Variants in HTRA1 observed in about 807,000 individuals in gnomAD.
The protein encoded by HTRA1 is HtrA serine peptidase 1.
HTRA1 carries 26 observed loss-of-function variants against 49.7 expected under a neutral mutation model. The observed-to-expected ratio is 0.52, with a 90% CI of 0.38 to 0.73. HTRA1 has a LOEUF of 0.73. HTRA1 is among the 30% of genes least tolerant of loss of function. HTRA1 has a pLI of 0.00. For missense variants in HTRA1, 561 were observed against 667.2 expected (o/e 0.84, Z 1.75); for synonymous variants, 291 against 286.9 (o/e 1.01, Z -0.14).
Position 122,514,436 on chromosome 10 carries a change from G to C in HTRA1, c.*77G>C. On this transcript the variant is annotated 3_prime_UTR_variant, in exon 9 of 9. Coordinates refer to ENST00000368984, the MANE Select transcript of HTRA1 (RefSeq NM_002775.5). ...GACGGATGAGGACTCTGGGCTGCTG[G>C]AATAGGACACTCAAGACTTTTGACT... 2 of 1,432,680 alleles carry C rather than the reference G, an allele frequency of 1.4e-6. No individual in the cohort carries two copies. Among genetic ancestry groups the C allele is most frequent in the Non-Finnish European group, 2.0e-6 (2 of 1,016,904 alleles). 88.7% of individuals were successfully genotyped at this position (1,432,680 alleles called of 1,614,324 possible). A position where few individuals can be genotyped will look rare whatever the true frequency, so the allele number is the denominator to read the frequency against.
At position 122,461,741 on chromosome 10, in the gene HTRA1, C is replaced by G. The variant is rs1180928381; in HGVS notation, c.89C>G (p.Ser30Trp). ...GCGCAGCTGTCCCGGGCCGGCCGCT[C>G]GGCGCCTTTGGCCGCCGGGTGCCCA... ...ASAQLSRAGR[S>W]APLAAGCPDR... Residue 30 changes from serine (S) to tryptophan (W), a missense_variant, in exon 1 of 9, where the codon TCG (serine) becomes TGG (tryptophan). Coordinates refer to ENST00000368984, the MANE Select transcript of HTRA1 (RefSeq NM_002775.5). The G allele has an allele frequency of 8.7e-7, 1 of 1,151,794 alleles. No homozygotes were observed. Among genetic ancestry groups the G allele is most frequent in the Admixed American group, 4.1e-5 (1 of 24,378 alleles). 71.3% of individuals were successfully genotyped at this position (1,151,794 alleles called of 1,614,324 possible). A position where few individuals can be genotyped will look rare whatever the true frequency, so the allele number is the denominator to read the frequency against.
chr10:122,489,582 G>A lies in HTRA1; in HGVS notation c.733G>A (p.Val245Met). The A allele has an allele frequency of 3.1e-6, 5 of 1,614,154 alleles. No homozygotes were observed. Among genetic ancestry groups the A allele is most frequent in the Non-Finnish European group, 4.2e-6 (5 of 1,180,018 alleles). The stretch of plus-strand genomic sequence containing the variant: ...CACTTACGAAGCCAAAATCAAGGAT[G>A]TGGATGAGAAAGCAGACATCGCACT... The part of the protein sequence containing the change: ...GATYEAKIKD[V>M]DEKADIALIK... The change falls in exon 3 of 9, where the codon GTG (valine) becomes ATG (methionine). Residue 245 changes from valine (V) to methionine (M), a missense_variant. Val to Met is a conservative substitution (Grantham distance 21, BLOSUM62 1). Coordinates refer to ENST00000368984, the MANE Select transcript of HTRA1 (RefSeq NM_002775.5).
chr10:122,514,586 G>T lies in HTRA1; in HGVS notation c.*227G>T. Reference sequence around the variant, plus strand: ...CTCTGCCCTTCTGTATCCTATGTATGCAGTGTGCTTTTTCTTGCCAGCTTG... The same window carrying T: ...CTCTGCCCTTCTGTATCCTATGTATTCAGTGTGCTTTTTCTTGCCAGCTTG... On this transcript the variant is annotated 3_prime_UTR_variant, in exon 9 of 9. Transcript: ENST00000368984. 1.8e-6 allele frequency: 1 copy of T among 551,974 alleles called. No homozygotes were observed. Among genetic ancestry groups the T allele is most frequent in the Non-Finnish European group, 3.3e-6 (1 of 306,164 alleles). 34.2% of individuals were successfully genotyped at this position (551,974 alleles called of 1,614,324 possible).
intron 1 of HTRA1, among the ~76,000 whole-genome samples, chr10:122,476,705 G>C (rs544004166): frequency 2.3e-5 from 3 of 132,206 alleles, no homozygotes; most frequent in African/African-American, 5.2e-5. Flanking sequence ...AATGCAGGTG[G>C]GGGGGCCTTC....
rs2097502928 is a variant in HTRA1 at position 122,506,087 on chromosome 10, C to T, written c.778-604C>T. 1.8e-4 allele frequency among the ~76,000 whole-genome samples: 1 copy of T among 5,592 alleles called. No homozygotes were observed. The highest frequency in any genetic ancestry group is 6.0e-3 in the South Asian group (1 of 166). The allele number at this position is 5,592 out of a possible 152,430, so 3.7% of individuals were successfully genotyped here. ...GTTTCAGGAGAGGAGAGACAGCCTACCTATTCGGTCTTGCTGTCCCCATGC... is the reference window on the plus strand; with the variant it reads ...GTTTCAGGAGAGGAGAGACAGCCTATCTATTCGGTCTTGCTGTCCCCATGC... On this transcript the variant is annotated intron_variant, in intron 3 of 8. Transcript: ENST00000368984. The surrounding 1 kb of genome is among the most constrained non-coding windows in gnomAD (Gnocchi z 5.2).
intron 1 of HTRA1, among the ~76,000 whole-genome samples, chr10:122,479,858 G>A (rs1024050777): frequency 6.6e-6 from 1 of 152,140 alleles, no homozygotes; most frequent in African/African-American, 2.4e-5. Flanking sequence ...GTTAGGGGGA[G>A]ACACTGAAGA....
intron 3 of HTRA1, among the ~76,000 whole-genome samples, chr10:122,500,766 G>C (rs1170378275): frequency 6.6e-6 from 1 of 152,192 alleles, no homozygotes; most frequent in Non-Finnish European, 1.5e-5. Context: ...TGCCCTGGGG[G>C]AGTTCCAGCA....
intron 1 of HTRA1, among the ~76,000 whole-genome samples, chr10:122,475,512 C>T (rs577580358): frequency 6.8e-4 from 103 of 152,342 alleles, no homozygotes; most frequent in Admixed American, 1.2e-3. Context: ...CAAATTTTAG[C>T]CTTTTTAAAC....
chr10:122,513,538 G>T (rs904323793), intron 8 of HTRA1, among the ~76,000 whole-genome samples: 1 of 144,344 alleles, frequency 6.9e-6, no homozygotes, highest in East Asian at 2.1e-4. Flanking sequence ...GCACATGCAT[G>T]TAATCCCAGC....
intron 1 of HTRA1, among the ~76,000 whole-genome samples, chr10:122,479,815 A>G (rs1216175319): frequency 6.6e-6 from 1 of 152,038 alleles, no homozygotes; most frequent in Admixed American, 6.6e-5. Flanking sequence ...GGGATCCTGC[A>G]GGAAGTTTAT....
In HTRA1 at chr10:122,472,369, C is replaced by CTATTATTAT. The variant is rs56115456; in HGVS notation, c.472+10280_472+10288dup. On this transcript the variant is annotated intron_variant, in intron 1 of 8. Coordinates refer to ENST00000368984, the MANE Select transcript of HTRA1 (RefSeq NM_002775.5). The stretch of plus-strand genomic sequence containing the variant: ...CCCCAGAAATATCATTTCTTTATTA[C>CTATTATTAT]TATTATTATTATTATTATTATTATT... 4.7e-3 allele frequency among the ~76,000 whole-genome samples: 671 copies of CTATTATTAT among 141,812 alleles called. 2 individuals are homozygous for CTATTATTAT. The highest frequency in any genetic ancestry group is 9.2e-3 in the Admixed American group (128 of 13,942). The allele number at this position is 141,812 out of a possible 152,430, so 93.0% of individuals were successfully genotyped here.
Position 122,510,162 on chromosome 10 carries a change from A to G in HTRA1, c.1178+9A>G. The G allele has an allele frequency of 6.2e-7, 1 of 1,610,734 alleles. No individual in the cohort carries two copies. Among genetic ancestry groups the G allele is most frequent in the Non-Finnish European group, 8.5e-7 (1 of 1,176,870 alleles). ...ATGTCACTCACGTCCAGGTGGGTAA[A>G]CAGGATGCGTGTCTGTGTCTTAAAT... On this transcript the variant is annotated intron_variant, in intron 7 of 8. Transcript: ENST00000368984.
chr10:122,472,099 G>T (rs2097486355), intron 1 of HTRA1, among the ~76,000 whole-genome samples: 1 of 152,078 alleles, frequency 6.6e-6, no homozygotes, highest in Non-Finnish European at 1.5e-5. Flanking sequence ...ATGGAATGAG[G>T]ACTGAGATGC....
At chr10:122,478,415 C>A (rs1015773952) in intron 1 of HTRA1, among the ~76,000 whole-genome samples, 17 of 48,042 alleles carry the variant, frequency 3.5e-4, no homozygotes, top group African/African-American at 1.0e-3. Flanking sequence ...TTTTTTGAGA[C>A]GGACTCTCAC....
intron 1 of HTRA1, among the ~76,000 whole-genome samples, chr10:122,478,356 C>T (rs184692401): frequency 3.3e-5 from 5 of 151,572 alleles, no homozygotes; most frequent in South Asian, 2.1e-4. Context: ...CTGTATCAGC[C>T]CCCGCAGACT....
intron 1 of HTRA1, among the ~76,000 whole-genome samples, chr10:122,483,012 C>T (rs1307724224): frequency 6.6e-6 from 1 of 151,798 alleles, no homozygotes; most frequent in Non-Finnish European, 1.5e-5. Context: ...ATTCATACTC[C>T]CCATACTGTG....
At chr10:122,489,382 A>T (rs2133438636) in intron 2 of HTRA1, 40 bp from the exon 3 acceptor site, 1 of 1,567,796 alleles carries the variant, frequency 6.4e-7, no homozygotes, top group East Asian at 2.2e-5. Context: ...GTTCATTTTA[A>T]GGTGCTACAG....
At chr10:122,503,590 T>G (rs1175780830) in intron 3 of HTRA1, among the ~76,000 whole-genome samples, 1 of 152,210 alleles carries the variant, frequency 6.6e-6, no homozygotes, top group Non-Finnish European at 1.5e-5. Flanking sequence ...GGCGTGTGGG[T>G]CTGACAGCTG....
At chr10:122,511,142 C>T (rs2097505356) in intron 7 of HTRA1, among the ~76,000 whole-genome samples, 1 of 152,164 alleles carries the variant, frequency 6.6e-6, no homozygotes, top group Non-Finnish European at 1.5e-5. Flanking sequence ...GATGTGTGGC[C>T]AGGCTCAGAT....
Sources: gnomAD v4.1 joint callset for allele counts (sites outside exome capture counted in the v4.1 genomes callset) on GRCh38, gnomAD v4.1.1 for gene constraint, Gnocchi (gnomAD v3.1) non-coding constraint, MANE v1.5 for transcripts, NCBI Gene and HGNC (gene_info 2026-07-23, HGNC 2026-07-21) for gene names.